PIBF1: variants seen among roughly 807,000 people sequenced by gnomAD.
The protein encoded by PIBF1 is progesterone-induced-blocking factor 1.
A neutral mutation model predicts 112.5 loss-of-function variants in PIBF1; 90 were observed. The ratio of observed to expected loss-of-function variants is 0.80; its 90% CI spans 0.67 to 0.95. The LOEUF (loss-of-function observed/expected upper bound fraction) is 0.95, where lower values mean the gene tolerates loss of function less well. PIBF1 is among the 40% of genes least tolerant of loss of function. PIBF1 has a pLI of 0.00. For missense variants in PIBF1, 915 were observed against 852.3 expected (o/e 1.07, Z -0.92); for synonymous variants, 301 against 288.6 (o/e 1.04, Z -0.44).
At chr13:72,813,394 A>G (rs931496533) in intron 5 of PIBF1, among the ~76,000 whole-genome samples, 2 of 152,210 alleles carry the variant, frequency 1.3e-5, no homozygotes, top group Non-Finnish European at 2.9e-5. Context: ...CTAGTGTTCC[A>G]GTTACGTATT....
chr13:72,804,917 C>T (rs1168432384), intron 5 of PIBF1, among the ~76,000 whole-genome samples: 1 of 152,140 alleles, frequency 6.6e-6, no homozygotes, highest in African/African-American at 2.4e-5. Flanking sequence ...GATACACTGC[C>T]ATAGTAAGTT....
At chr13:72,842,645 G>A (rs1265358520) in intron 9 of PIBF1, among the ~76,000 whole-genome samples, 1 of 152,126 alleles carries the variant, frequency 6.6e-6, no homozygotes, top group Non-Finnish European at 1.5e-5. Flanking sequence ...GTGTACAGAG[G>A]TTCCAGTCAT....
At chr13:73,011,091 T>G (rs2044190380) in intron 17 of PIBF1, among the ~76,000 whole-genome samples, 1 of 152,026 alleles carries the variant, frequency 6.6e-6, no homozygotes, top group Admixed American at 6.6e-5. Flanking sequence ...CCTCCCAAAG[T>G]GCTGGGATTA....
At chr13:72,874,036 A>G (rs1197140545) in intron 10 of PIBF1, among the ~76,000 whole-genome samples, 1 of 152,206 alleles carries the variant, frequency 6.6e-6, no homozygotes, top group East Asian at 1.9e-4. Context: ...AATTATACCA[A>G]AATTCATTAC....
At chr13:72,945,870 A>G (rs2042136310) in intron 14 of PIBF1, among the ~76,000 whole-genome samples, 1 of 152,204 alleles carries the variant, frequency 6.6e-6, no homozygotes, top group African/African-American at 2.4e-5. Flanking sequence ...ATATATATGT[A>G]TAAATAAGAA....
intron 17 of PIBF1, among the ~76,000 whole-genome samples, chr13:73,010,288 T>C (rs1260961738): frequency 6.8e-6 from 1 of 147,782 alleles, no homozygotes; most frequent in Admixed American, 6.9e-5. Context: ...TCATTACCCG[T>C]GGGTTGGGAC....
At chr13:72,998,158 G>T (rs1213738165) in intron 16 of PIBF1, among the ~76,000 whole-genome samples, 1 of 152,064 alleles carries the variant, frequency 6.6e-6, no homozygotes, top group Non-Finnish European at 1.5e-5. Flanking sequence ...GAATTCAAAG[G>T]AAATGCGACA....
chr13:73,004,497 A>AG (rs1248571016), intron 17 of PIBF1, among the ~76,000 whole-genome samples: 2 of 101,840 alleles, frequency 2.0e-5, no homozygotes, highest in East Asian at 8.0e-4. Context: ...CTCAAAAAAA[A>AG]AAAAAAAGAA....
At position 72,987,837 on chromosome 13, in the gene PIBF1, AATTTATTT is replaced by A. The variant is rs1228971710; in HGVS notation, c.2050-10968_2050-10961del. Among the ~76,000 whole-genome samples the A allele has an allele frequency of 1.2e-3, 127 of 101,832 alleles. 1 individual carries two copies. Among genetic ancestry groups the A allele is most frequent in the East Asian group, 4.9e-3 (16 of 3,258 alleles). 66.8% of individuals were successfully genotyped at this position (101,832 alleles called of 152,430 possible). ...TTCTTGAGTTTTTTTTATTTTTTGT[AATTTATTT>A]ATTTATTTATTTATTTTTTTTTTTT... On this transcript the variant is annotated intron_variant, in intron 16 of 17. Transcript: ENST00000326291.
chr13:72,836,064 AC>A, intron 9 of PIBF1: 2 of 444,788 alleles, frequency 4.5e-6, no homozygotes, highest in Non-Finnish European at 9.0e-6. Context: ...GCACCACTAC[AC>A]TCCAGCCTTG....
chr13:72,819,178 G>A (rs1045218681), intron 5 of PIBF1, among the ~76,000 whole-genome samples: 5 of 152,086 alleles, frequency 3.3e-5, no homozygotes, highest in Admixed American at 6.6e-5. Context: ...TTGTGAAGCC[G>A]TAGGGTAAGA....
intron 16 of PIBF1, among the ~76,000 whole-genome samples, chr13:72,989,368 A>G (rs2043400381): frequency 6.6e-6 from 1 of 151,754 alleles, no homozygotes; most frequent in South Asian, 2.1e-4. Context: ...AAAATTTGGT[A>G]TATCCATGCA....
intron 16 of PIBF1, among the ~76,000 whole-genome samples, chr13:72,998,503 A>G (rs1434076032): frequency 6.6e-6 from 1 of 152,006 alleles, no homozygotes; most frequent in Non-Finnish European, 1.5e-5. Context: ...AGCCCAGGCC[A>G]CACCACATCA....
At position 72,888,534 on chromosome 13, in the gene PIBF1, A is replaced by G. The variant is rs1304964651; in HGVS notation, c.1323-5250A>G. Among the ~76,000 whole-genome samples the G allele has an allele frequency of 2.0e-5, 3 of 152,252 alleles. 1 individual carries two copies. The highest frequency in any genetic ancestry group is 6.8e-3 in the Middle Eastern group (2 of 292). ...AATGTTTGCTTGTGCATGGGAGGCA[A>G]TTCTTAGGATGATCTTTGAAGCACT... On this transcript the variant is annotated intron_variant, in intron 10 of 17. Transcript: ENST00000326291.
chr13:72,816,784 A>G (rs904388681), intron 5 of PIBF1, among the ~76,000 whole-genome samples: 5 of 151,896 alleles, frequency 3.3e-5, no homozygotes, highest in Non-Finnish European at 7.4e-5. Flanking sequence ...AGAAATTATT[A>G]AGATTTTTGT....
chr13:72,962,888 A>G (rs77808365), intron 14 of PIBF1, among the ~76,000 whole-genome samples: 1,822 of 152,358 alleles, frequency 0.012, 21 homozygotes, highest in Non-Finnish European at 0.02. Flanking sequence ...AACTTACTGT[A>G]AAGTTACAGT....
chr13:72,806,576 A>G (rs575848364), intron 5 of PIBF1, among the ~76,000 whole-genome samples: 1 of 151,988 alleles, frequency 6.6e-6, no homozygotes, highest in Non-Finnish European at 1.5e-5. Flanking sequence ...CCCTGGTCCA[A>G]GTGTTCTCAT....
chr13:72,997,335 G>A (rs1248588678), intron 16 of PIBF1, among the ~76,000 whole-genome samples: 1 of 152,112 alleles, frequency 6.6e-6, no homozygotes, highest in Non-Finnish European at 1.5e-5. Context: ...CTTCACCATA[G>A]TGGAGCATAT....
At position 72,832,072 on chromosome 13, in the gene PIBF1, C is replaced by CTTT. The variant is rs754794968; in HGVS notation, c.1098-3143_1098-3141dup. 9.3e-5 allele frequency among the ~76,000 whole-genome samples: 4 copies of CTTT among 42,900 alleles called. 1 individual carries two copies. The highest frequency in any genetic ancestry group is 3.5e-4 in the Admixed American group (1 of 2,876). 28.1% of individuals were successfully genotyped at this position (42,900 alleles called of 152,430 possible). A position where few individuals can be genotyped will look rare whatever the true frequency, so the allele number is the denominator to read the frequency against. The stretch of plus-strand genomic sequence containing the variant: ...CAGAGATTAGAATTGCAATTCCGGC[C>CTTT]TTTTTTTTTTTTTTTTTTTTTTTTT... On this transcript the variant is annotated intron_variant, in intron 8 of 17. Transcript: ENST00000326291.
Sources: gnomAD v4.1 joint callset for allele counts (sites outside exome capture counted in the v4.1 genomes callset) on GRCh38, gnomAD v4.1.1 for gene constraint, MANE v1.5 for transcripts, NCBI Gene and HGNC (gene_info 2026-07-23, HGNC 2026-07-21) for gene names.